The following GALNT2 variants were observed in gnomAD, a reference collection of about 807,000 sequenced individuals.
The protein encoded by GALNT2 is UDP-GalNAc:polypeptide N-acetylgalactosaminyltransferase 2.
A neutral mutation model predicts 81.4 loss-of-function variants in GALNT2; 31 were observed. The observed-to-expected ratio is 0.38, with a 90% confidence interval of 0.29 to 0.51. GALNT2 has a LOEUF of 0.51. GALNT2 is among the 20% of genes least tolerant of loss of function. GALNT2 has a pLI of 0.87. For synonymous variants in GALNT2, 303 were observed against 287.4 expected, an observed-to-expected ratio of 1.05 and a Z score of -0.55; for missense variants, 629 against 765.7, an observed-to-expected ratio of 0.82 and a Z score of 2.11.
At chr1:230,085,702 C>T (rs1212198835) in intron 1 of GALNT2, among the ~76,000 whole-genome samples, 2 of 152,186 alleles carry the variant, frequency 1.3e-5, no homozygotes, top group Non-Finnish European at 2.9e-5. Flanking sequence ...GGGCAGTCTA[C>T]CTGTTTAGGC....
At chr1:230,172,560 A>G (rs1428667814) in intron 1 of GALNT2, among the ~76,000 whole-genome samples, 1 of 152,182 alleles carries the variant, frequency 6.6e-6, no homozygotes, top group Non-Finnish European at 1.5e-5. Context: ...TGGGAAACGA[A>G]TGGTTGGACT....
intron 14 of GALNT2, among the ~76,000 whole-genome samples, chr1:230,268,004 T>C (rs1299881986): frequency 6.6e-6 from 1 of 152,232 alleles, no homozygotes; most frequent in Non-Finnish European, 1.5e-5. Flanking sequence ...TCTACACTGA[T>C]AACAGCGTGT....
Position 230,077,003 on chromosome 1 carries a change from G to A in GALNT2, c.126+9597G>A, listed in dbSNP as rs76027333. Among the ~76,000 whole-genome samples, 515 of 152,274 alleles carry A rather than the reference G, an allele frequency of 3.4e-3. 3 individuals are homozygous for A. Among genetic ancestry groups the A allele is most frequent in the East Asian group, 0.026 (136 of 5,184 alleles). On this transcript the variant is annotated intron_variant, in intron 1 of 15. Transcript: ENST00000366672. ...ATGAAGGGTCTTTCTTAGCTAAATTGCCCTGTGAGAGCTTGAGGAGCCGGT... is the reference window on the plus strand; with the variant it reads ...ATGAAGGGTCTTTCTTAGCTAAATTACCCTGTGAGAGCTTGAGGAGCCGGT...
chr1:230,206,147 A>T (rs1019661290), intron 3 of GALNT2, among the ~76,000 whole-genome samples: 2 of 152,174 alleles, frequency 1.3e-5, no homozygotes, highest in African/African-American at 4.8e-5. Flanking sequence ...TTATCTTTAC[A>T]TACTTAACTT....
chr1:230,186,340 G>A (rs958426744), intron 2 of GALNT2, among the ~76,000 whole-genome samples: 5 of 152,128 alleles, frequency 3.3e-5, no homozygotes, highest in African/African-American at 7.2e-5. Flanking sequence ...CTGACTGGAC[G>A]CATGCATGCA....
chr1:230,222,031 C>CTCTTTTTTTTTTTT (rs1553270493), intron 3 of GALNT2, among the ~76,000 whole-genome samples: 1 of 96,120 alleles, frequency 1.0e-5, no homozygotes, highest in African/African-American at 5.1e-5. Context: ...CTGCTTTTCT[C>CTCTTTTTTTTTTTT]TTTTTTTTTT....
intron 3 of GALNT2, among the ~76,000 whole-genome samples, chr1:230,223,911 C>A (rs6658916): frequency 0.57 from 85,990 of 151,592 alleles, 27,035 homozygotes; most frequent in East Asian, 0.89. Flanking sequence ...CTCAGGGGTC[C>A]CACAGACTCC....
intron 1 of GALNT2, among the ~76,000 whole-genome samples, chr1:230,089,819 C>T (rs1006858043): frequency 7.2e-5 from 11 of 152,322 alleles, no homozygotes; most frequent in East Asian, 1.9e-4. Flanking sequence ...GCTGCTAACA[C>T]GTGCAACACA....
At chr1:230,148,578 CT>C (rs1298902318) in intron 1 of GALNT2, among the ~76,000 whole-genome samples, 2 of 151,578 alleles carry the variant, frequency 1.3e-5, no homozygotes, top group African/African-American at 4.8e-5. Context: ...GTTTTGTTTT[CT>C]TTTTTTTTCT....
At chr1:230,163,866 T>C (rs1181974809) in intron 1 of GALNT2, among the ~76,000 whole-genome samples, 2 of 152,168 alleles carry the variant, frequency 1.3e-5, no homozygotes, top group Non-Finnish European at 2.9e-5. Flanking sequence ...AGTGAGCTTA[T>C]TGGATTTAGC....
rs186686516 is a variant in GALNT2, at chr1:230,218,905, G to A, written c.374+15615G>A. ...GAGCAAACATTACCGCCTGAGCTCC[G>A]CCTCCTGTCAGATCAGCATGGGCAT... On this transcript the variant is annotated intron_variant, in intron 3 of 15. Transcript: ENST00000366672. 3.3e-3 allele frequency among the ~76,000 whole-genome samples: 508 copies of A among 152,284 alleles called. 2 individuals are homozygous for A. Among genetic ancestry groups the A allele is most frequent in the African/African-American group, 0.012 (487 of 41,554 alleles).
intron 10 of GALNT2, among the ~76,000 whole-genome samples, chr1:230,252,158 C>G (rs1425445892): frequency 6.6e-6 from 1 of 152,146 alleles, no homozygotes; most frequent in African/African-American, 2.4e-5. Context: ...ATGCCGTGAG[C>G]CTTTCTCCTT....
chr1:230,058,982 G>A (rs1343203770), intron 1 of GALNT2, among the ~76,000 whole-genome samples: 1 of 152,152 alleles, frequency 6.6e-6, no homozygotes, highest in Non-Finnish European at 1.5e-5. Flanking sequence ...CAGTTTGGTG[G>A]GAGGGGCGTG....
intron 10 of GALNT2, among the ~76,000 whole-genome samples, chr1:230,251,589 A>T (rs755048071): frequency 6.6e-6 from 1 of 152,168 alleles, no homozygotes; most frequent in Non-Finnish European, 1.5e-5. Flanking sequence ...TAAAAAAATG[A>T]TACATTAACC....
intron 3 of GALNT2, among the ~76,000 whole-genome samples, chr1:230,225,081 A>G (rs936323225): frequency 2.9e-4 from 44 of 152,222 alleles, no homozygotes; most frequent in Admixed American, 6.5e-5. Context: ...TTTAGTTTTG[A>G]AAGACCTCTA....
intron 2 of GALNT2, among the ~76,000 whole-genome samples, chr1:230,198,563 G>C (rs1187566558): frequency 6.6e-6 from 1 of 152,172 alleles, no homozygotes; most frequent in Non-Finnish European, 1.5e-5. Context: ...GCTTCTCAGA[G>C]GACATGGCCA....
At position 230,148,308 on chromosome 1, in the gene GALNT2, A is replaced by G. The variant is rs1661986112; in HGVS notation, c.127-29910A>G. 3.9e-5 allele frequency among the ~76,000 whole-genome samples: 6 copies of G among 152,260 alleles called. No homozygotes were observed. The South Asian group carries it at 1.2e-3, about 32-fold the overall frequency. On this transcript the variant is annotated intron_variant, in intron 1 of 15. Transcript: ENST00000366672. ...TTATTTTCCTCCTAGAGCTGAAGCC[A>G]GAAACCTGATAGGGAAAGGGGGCGT... is the stretch of plus-strand genomic sequence containing the variant.
At chr1:230,087,061 T>A (rs954707853) in intron 1 of GALNT2, among the ~76,000 whole-genome samples, 2 of 152,172 alleles carry the variant, frequency 1.3e-5, no homozygotes, top group Non-Finnish European at 2.9e-5. Flanking sequence ...GTAGAGTGTG[T>A]GTGGGAGGGG....
intron 2 of GALNT2, among the ~76,000 whole-genome samples, chr1:230,201,976 A>T (rs971144945): frequency 4.5e-4 from 68 of 152,080 alleles, no homozygotes; most frequent in Admixed American, 8.5e-4. Flanking sequence ...AAATTGTATG[A>T]GTTTCATGTG....
Sources: allele counts gnomAD v4.1 joint callset (sites outside exome capture counted in the v4.1 genomes callset), GRCh38; gene constraint gnomAD v4.1.1; transcripts MANE v1.5; gene names NCBI Gene and HGNC (gene_info 2026-07-23, HGNC 2026-07-21).